LYN: variants seen among roughly 807,000 people sequenced by gnomAD.
LYN encodes tyrosine-protein kinase Lyn.
LYN carries 12 observed loss-of-function variants against 65.0 expected under a neutral mutation model. The ratio of observed to expected loss-of-function variants is 0.18; its 90% confidence interval spans 0.12 to 0.30. The LOEUF is 0.30. LYN is among the 10% of genes least tolerant of loss of function. The pLI is 1.00. For missense variants in LYN, 380 were observed against 623.2 expected (o/e 0.61, Z 4.16); for synonymous variants, 222 against 221.2 (o/e 1.00, Z -0.03).
chr8:55,999,735 G>C (rs929050005), intron 12 of LYN, among the ~76,000 whole-genome samples, 186 bp downstream of exon 12: 4 of 152,230 alleles, frequency 2.6e-5, no homozygotes, highest in Non-Finnish European at 5.9e-5. Context: ...ACTTTGGGAG[G>C]CCGAGGCAGG....
chr8:55,941,544 T>C (rs1806613697), intron 1 of LYN, among the ~76,000 whole-genome samples: 5 of 152,350 alleles, frequency 3.3e-5, no homozygotes, highest in Middle Eastern at 3.4e-3. Context: ...TTGCCTGAGT[T>C]ACATGTCCTT....
chr8:56,000,873 A>G (rs1808493486), intron 12 of LYN, among the ~76,000 whole-genome samples: 1 of 152,198 alleles, frequency 6.6e-6, no homozygotes, highest in South Asian at 2.1e-4. Flanking sequence ...CTATTCAAAA[A>G]ATATTTGAGT....
intron 1 of LYN, among the ~76,000 whole-genome samples, chr8:55,881,235 T>A (rs148900408): frequency 6.6e-6 from 1 of 152,340 alleles, no homozygotes; most frequent in Non-Finnish European, 1.5e-5. Context: ...AAGACTACCA[T>A]GTCAGATTTA....
At chr8:55,919,022 C>G (rs952601785) in intron 1 of LYN, among the ~76,000 whole-genome samples, 1 of 62,756 alleles carries the variant, frequency 1.6e-5, no homozygotes, top group African/African-American at 6.8e-5. Flanking sequence ...CCTGTCTCTA[C>G]AAAAAAAAAA....
intron 1 of LYN, among the ~76,000 whole-genome samples, chr8:55,934,460 G>A (rs577458637): frequency 6.6e-6 from 1 of 152,322 alleles, no homozygotes; most frequent in East Asian, 1.9e-4. Flanking sequence ...TCCATATTCT[G>A]TGTATGCCGT....
intron 2 of LYN, among the ~76,000 whole-genome samples, chr8:55,944,041 A>T (rs2130479205): frequency 6.6e-6 from 1 of 152,292 alleles, no homozygotes; most frequent in East Asian, 1.9e-4. Flanking sequence ...GTGAGCCGAG[A>T]TCACGCCACT....
chr8:55,999,975 CAA>C (rs1039330283), intron 12 of LYN, among the ~76,000 whole-genome samples: 4 of 151,346 alleles, frequency 2.6e-5, no homozygotes, highest in Non-Finnish European at 5.9e-5. Context: ...CATCTCGAAA[CAA>C]AAAAAAGACT....
Position 56,010,136 on chromosome 8 carries a change from CA to C in LYN, c.*27del. On this transcript the variant is annotated 3_prime_UTR_variant, in exon 13 of 13. Transcript: ENST00000519728. ...AGCACAGGGAGACCCGTCCATTTGG[CA>C]GGGGTGGCTGCCTCATTTAGAGAGG... The C allele has an allele frequency of 6.2e-7, 1 of 1,610,890 alleles. No homozygotes were observed. Among genetic ancestry groups the C allele is most frequent in the South Asian group, 1.1e-5 (1 of 90,898 alleles).
Position 56,011,584 on chromosome 8 carries a change from GC to G in LYN, c.*1476del. 5.3e-6 allele frequency: 1 copy of G among 190,038 alleles called. No homozygotes were observed. Among genetic ancestry groups the G allele is most frequent in the African/African-American group, 2.3e-5 (1 of 43,072 alleles). 11.8% of individuals were successfully genotyped at this position (190,038 alleles called of 1,614,324 possible). ...AACACCTGAACATCCGTTTATGGGG[GC>G]CAGATAGAATTTGTTTTCAAATAGG... On this transcript the variant is annotated 3_prime_UTR_variant, in exon 13 of 13. Transcript: ENST00000519728.
At chr8:55,951,549 C>T (rs1806948480) in intron 6 of LYN, among the ~76,000 whole-genome samples, 1 of 151,752 alleles carries the variant, frequency 6.6e-6, no homozygotes, top group Non-Finnish European at 1.5e-5. Flanking sequence ...ATCGTAGTCT[C>T]AGCTACTTGA....
chr8:55,918,266 A>G lies in LYN; in HGVS notation c.-5-23589A>G, dbSNP rs368756281. ...ACAGGCCTCTGAGACAGACCACCCC[A>G]TTCCTCCCTCTCCTGTTAACCTGCC... On this transcript the variant is annotated intron_variant, in intron 1 of 12. Transcript: ENST00000519728. Among the ~76,000 whole-genome samples, 22 of 152,226 alleles carry G rather than the reference A, an allele frequency of 1.4e-4. No homozygotes were observed. In the South Asian group the frequency reaches 2.3e-3, roughly 16 times the overall value.
chr8:55,934,735 TG>T (rs1345832582), intron 1 of LYN, among the ~76,000 whole-genome samples: 1 of 151,796 alleles, frequency 6.6e-6, no homozygotes, highest in East Asian at 1.9e-4. Flanking sequence ...TTGAGGGGGG[TG>T]CACCCTGTAA....
At chr8:55,892,881 C>T (rs1379245926) in intron 1 of LYN, among the ~76,000 whole-genome samples, 1 of 152,102 alleles carries the variant, frequency 6.6e-6, no homozygotes, top group Non-Finnish European at 1.5e-5. Context: ...AATGCAAAGC[C>T]TTGTGTAACC....
At chr8:55,963,329 C>A (rs1039438540) in intron 8 of LYN, among the ~76,000 whole-genome samples, 6 of 152,180 alleles carry the variant, frequency 3.9e-5, no homozygotes, top group African/African-American at 1.4e-4. Flanking sequence ...AGATTCTCAC[C>A]AGCAATATGC....
At chr8:55,961,434 C>T (rs1807270055) in intron 8 of LYN, among the ~76,000 whole-genome samples, 1 of 152,084 alleles carries the variant, frequency 6.6e-6, no homozygotes, top group South Asian at 2.1e-4. Flanking sequence ...AAAATCATGC[C>T]TTTAACAGAG....
At position 56,001,439 on chromosome 8, in the gene LYN, C is replaced by T. The variant is rs558316161; in HGVS notation, c.1336+1890C>T. The stretch of plus-strand genomic sequence containing the variant: ...TTGGACAGAGCAGCCACACAGTCTG[C>T]GTGCTCCCATCACTACTGTTTCATG... On this transcript the variant is annotated intron_variant, in intron 12 of 12. Coordinates refer to ENST00000519728, the MANE Select transcript of LYN (RefSeq NM_002350.4). 2.6e-5 allele frequency among the ~76,000 whole-genome samples: 4 copies of T among 152,252 alleles called. No individual in the cohort carries two copies. The South Asian group carries it at 6.2e-4, about 24-fold the overall frequency.
At chr8:55,908,173 AT>A (rs1233441252) in intron 1 of LYN, among the ~76,000 whole-genome samples, 1 of 152,122 alleles carries the variant, frequency 6.6e-6, no homozygotes, top group African/African-American at 2.4e-5. Context: ...TAAAAATAGA[AT>A]TAAAGGTGAT....
intron 1 of LYN, among the ~76,000 whole-genome samples, chr8:55,938,643 T>G (rs1585618824): frequency 6.6e-6 from 1 of 152,388 alleles, no homozygotes; most frequent in African/African-American, 2.4e-5. Context: ...TTTATTTTAT[T>G]AACTTCATTA....
intron 10 of LYN, among the ~76,000 whole-genome samples, chr8:55,970,002 T>C (rs937080319): frequency 4.6e-5 from 7 of 152,262 alleles, no homozygotes; most frequent in African/African-American, 1.7e-4. Context: ...AGTTTTGACC[T>C]GGATATCATC....
Sources: gnomAD v4.1 joint callset for allele counts (sites outside exome capture counted in the v4.1 genomes callset) on GRCh38, gnomAD v4.1.1 for gene constraint, MANE v1.5 for transcripts, NCBI Gene and HGNC (gene_info 2026-07-23, HGNC 2026-07-21) for gene names.